Variants in BTBD1 observed in about 807,000 individuals in gnomAD.
BTBD1 encodes the protein BTB/POZ domain-containing protein 1.
Under a neutral mutation model 48.0 loss-of-function variants are expected in BTBD1, and 34 were observed. The observed-to-expected ratio is 0.71, with a 90% CI of 0.54 to 0.94. The LOEUF is 0.94. Among genes scored for constraint, BTBD1 ranks in the 40% least tolerant of loss-of-function variants. The pLI, the probability that BTBD1 is intolerant of heterozygous loss-of-function variation, is 0.00. For missense variants in BTBD1, 543 were observed against 625.6 expected (o/e 0.87, Z 1.41); for synonymous variants, 261 against 242.1 (o/e 1.08, Z -0.72).
intron 1 of BTBD1, among the ~76,000 whole-genome samples, chr15:83,062,701 G>A (rs1168803632): frequency 6.6e-6 from 1 of 151,872 alleles, no homozygotes; most frequent in Non-Finnish European, 1.5e-5. Flanking sequence ...GGAAATGAGG[G>A]TCTGGAGCTA....
chr15:83,044,331 C>T, intron 3 of BTBD1: 3 of 1,237,022 alleles, frequency 2.4e-6, no homozygotes, highest in South Asian at 2.6e-5. Flanking sequence ...ACGCCGACGG[C>T]AACCCTGCTC....
chr15:83,022,667 G>GAAA, intron 5 of BTBD1: 1 of 117,656 alleles, frequency 8.5e-6, no homozygotes, highest in East Asian at 2.6e-4. Context: ...ATCTCAAAAA[G>GAAA]AAAAAAAAAA....
intron 2 of BTBD1, among the ~76,000 whole-genome samples, chr15:83,055,567 T>C (rs1028538310): frequency 3.9e-5 from 6 of 152,230 alleles, no homozygotes; most frequent in Non-Finnish European, 8.8e-5. Flanking sequence ...ACAATCTATG[T>C]AGTTTTCTAT....
rs191091087 is a variant in BTBD1 at position 83,063,844 on chromosome 15, G to C, written c.401+2907C>G. 3.2e-3 allele frequency among the ~76,000 whole-genome samples: 486 copies of C among 152,320 alleles called. 3 individuals carry two copies. Among genetic ancestry groups the C allele is most frequent in the Non-Finnish European group, 6.0e-3 (405 of 68,030 alleles). ...CGAAAACAATGCGTTCCCTTGCTGA[G>C]AATGTTCCTTCTCTCATAACTTGAT... On this transcript the variant is annotated intron_variant, in intron 1 of 7. Coordinates refer to ENST00000261721, the MANE Select transcript of BTBD1 (RefSeq NM_025238.4).
rs368039590 is a variant in BTBD1, at chr15:83,062,934, T to C, written c.401+3817A>G. On this transcript the variant is annotated intron_variant, in intron 1 of 7. Transcript: ENST00000261721. ...TTCCCATTTTCTGCCTAACCTACTC[T>C]AATCAGCTGAAATCACTCTTGGCAG... 2.0e-4 allele frequency among the ~76,000 whole-genome samples: 31 copies of C among 152,288 alleles called. No homozygotes were observed. The East Asian group carries it at 4.4e-3, about 22-fold the overall frequency.
Position 83,041,790 on chromosome 15 carries a change from A to C in BTBD1, c.800T>G (p.Val267Gly). The change falls in exon 4 of 8, where the codon GTT (valine) becomes GGT (glycine). Residue 267 changes from valine (V) to glycine (G), a missense_variant. Coordinates refer to ENST00000261721, the MANE Select transcript of BTBD1 (RefSeq NM_025238.4). Reference sequence around the variant, plus strand: ...GATTAAGGAAAGTGCTTTTCCTAGAACTTTTTGTTTATTCCCAAAAGTCAC... The same window carrying C: ...GATTAAGGAAAGTGCTTTTCCTAGACCTTTTTGTTTATTCCCAAAAGTCAC... The part of the protein sequence containing the change: ...LPVTFGNKQK[V>G]LGKALSLIRF... 1.9e-6 allele frequency: 3 copies of C among 1,614,142 alleles called. No homozygotes were observed. The highest frequency in any genetic ancestry group is 2.5e-6 in the Non-Finnish European group (3 of 1,180,014).
In BTBD1 at chr15:83,016,645, A is replaced by G. The variant is rs1329955749; in HGVS notation, c.*1422T>C. On this transcript the variant is annotated 3_prime_UTR_variant, in exon 8 of 8. Coordinates refer to ENST00000261721, the MANE Select transcript of BTBD1 (RefSeq NM_025238.4). The stretch of plus-strand genomic sequence containing the variant: ...AGAAGTATTTTCTGTAATGGTTACT[A>G]CAGAGTGTTTACTGGTTAATTTTTA... 5 of 152,154 alleles carry G rather than the reference A, an allele frequency of 3.3e-5. No individual in the cohort carries two copies. The highest frequency in any genetic ancestry group is 9.7e-5 in the African/African-American group (4 of 41,450). 9.4% of individuals were successfully genotyped at this position (152,154 alleles called of 1,614,324 possible). A position where few individuals can be genotyped will look rare whatever the true frequency, so the allele number is the denominator to read the frequency against.
At chr15:83,027,724 G>C (rs2032436333) in intron 5 of BTBD1, among the ~76,000 whole-genome samples, 1 of 152,234 alleles carries the variant, frequency 6.6e-6, no homozygotes. Context: ...TTCAGAAATA[G>C]ACACTATGAG....
Position 83,044,474 on chromosome 15 carries a change from C to T in BTBD1, c.665-2549G>A, listed in dbSNP as rs148054198. On this transcript the variant is annotated intron_variant, in intron 3 of 7. Coordinates refer to ENST00000261721, the MANE Select transcript of BTBD1 (RefSeq NM_025238.4). ...TGGGAACTGCTTTGCGAAAAATGGACGCAATGGCCAAGCCAGATTGTATCA... is the reference window on the plus strand; with the variant it reads ...TGGGAACTGCTTTGCGAAAAATGGATGCAATGGCCAAGCCAGATTGTATCA... 2,502 of 1,574,836 alleles carry T rather than the reference C, an allele frequency of 1.6e-3. 20 individuals carry two copies. Among genetic ancestry groups the T allele is most frequent in the African/African-American group, 0.01 (770 of 74,238 alleles).
At chr15:83,023,917 G>C (rs564042310) in intron 5 of BTBD1, among the ~76,000 whole-genome samples, 1 of 152,020 alleles carries the variant, frequency 6.6e-6, no homozygotes. Context: ...AACCAGTCTG[G>C]AGTGCAATGG....
At chr15:83,025,074 C>T (rs950506314) in intron 5 of BTBD1, among the ~76,000 whole-genome samples, 18 of 151,986 alleles carry the variant, frequency 1.2e-4, no homozygotes, top group African/African-American at 3.6e-4. Flanking sequence ...TTTTGCCAGC[C>T]GGGTGTGGTT....
Position 83,019,440 on chromosome 15 carries a change from A to T in BTBD1, c.1144-587T>A, listed in dbSNP as rs1331431511. Among the ~76,000 whole-genome samples, 3 of 151,042 alleles carry T rather than the reference A, an allele frequency of 2.0e-5. No homozygotes were observed. In the South Asian group the frequency reaches 6.3e-4, roughly 32 times the overall value. On this transcript the variant is annotated intron_variant, in intron 6 of 7. Coordinates refer to ENST00000261721, the MANE Select transcript of BTBD1 (RefSeq NM_025238.4). ...TCCTGGGCTCAAGCAATCCTTCCAC[A>T]TCGGCCTCCCAAAGTACTGGGATTA... is the stretch of plus-strand genomic sequence containing the variant.
chr15:83,057,204 G>T (rs2033102169), intron 1 of BTBD1, among the ~76,000 whole-genome samples: 1 of 152,212 alleles, frequency 6.6e-6, no homozygotes, highest in Non-Finnish European at 1.5e-5. Flanking sequence ...GGAAACAGGA[G>T]AGCTGTTTAC....
intron 2 of BTBD1, among the ~76,000 whole-genome samples, chr15:83,054,563 CTTTTTTT>C (rs1178762435): frequency 2.3e-5 from 3 of 130,436 alleles, no homozygotes; most frequent in East Asian, 2.2e-4. Context: ...AACATTTTTT[CTTTTTTT>C]TTTTTTTTTT....
At chr15:83,064,642 G>C (rs532688379) in intron 1 of BTBD1, among the ~76,000 whole-genome samples, 3 of 151,990 alleles carry the variant, frequency 2.0e-5, no homozygotes, top group African/African-American at 7.2e-5. Flanking sequence ...ATCACTTAGG[G>C]AGAGTGTTAA....
chr15:83,058,609 A>T (rs575501719), intron 1 of BTBD1, among the ~76,000 whole-genome samples: 10 of 151,746 alleles, frequency 6.6e-5, no homozygotes, highest in African/African-American at 1.9e-4. Flanking sequence ...ACTTAAAAAA[A>T]TTTTTTTTTA....
chr15:83,031,915 A>G (rs12900411), intron 4 of BTBD1, among the ~76,000 whole-genome samples: 18,356 of 152,242 alleles, frequency 0.12, 1,185 homozygotes, highest in Middle Eastern at 0.22. Flanking sequence ...TTAAAAAATA[A>G]AAAAAGAAAA....
chr15:83,066,530 A>C (rs906977834), intron 1 of BTBD1, among the ~76,000 whole-genome samples: 4 of 152,174 alleles, frequency 2.6e-5, no homozygotes, highest in African/African-American at 9.6e-5. Context: ...TGCCTAATGA[A>C]GACACTAACG....
chr15:83,025,778 C>G (rs1450122669), intron 5 of BTBD1, among the ~76,000 whole-genome samples: 5 of 150,748 alleles, frequency 3.3e-5, no homozygotes, highest in African/African-American at 1.2e-4. Flanking sequence ...ACCATTTTTT[C>G]TTTTTTTTTG....
Sources: gnomAD v4.1 joint callset for allele counts (sites outside exome capture counted in the v4.1 genomes callset) on GRCh38, gnomAD v4.1.1 for gene constraint, MANE v1.5 for transcripts, NCBI Gene and HGNC (gene_info 2026-07-23, HGNC 2026-07-21) for gene names.